The following KAZN variants were observed in gnomAD, a reference collection of about 807,000 sequenced individuals.
KAZN encodes kazrin, periplakin interacting protein.
A neutral mutation model predicts 87.4 loss-of-function variants in KAZN; 40 were observed. That is an observed-to-expected ratio of 0.46 (90% CI 0.36 to 0.60). The LOEUF is 0.60. Among genes scored for constraint, KAZN ranks in the 20% least tolerant of loss-of-function variants. The probability of loss-of-function intolerance (pLI) is 0.00; values close to 1 mark genes in which losing one functional copy is unlikely to be tolerated. For missense variants in KAZN, 898 were observed against 1,073.9 expected, an observed-to-expected ratio of 0.84 and a Z score of 2.29; for synonymous variants, 466 against 458.3, an observed-to-expected ratio of 1.02 and a Z score of -0.22.
chr1:14,236,160 G>A (rs1230056800), intron 2 of KAZN, among the ~76,000 whole-genome samples: 4 of 152,184 alleles, frequency 2.6e-5, no homozygotes, highest in African/African-American at 9.7e-5. Flanking sequence ...CTATACAGAT[G>A]ATAATTTTCC....
chr1:14,459,176 CT>C (rs1667722092), intron 2 of KAZN, among the ~76,000 whole-genome samples: 2 of 152,186 alleles, frequency 1.3e-5, no homozygotes, highest in South Asian at 4.1e-4. Flanking sequence ...TCTTCATATA[CT>C]TTGCCATTTC....
intron 2 of KAZN, among the ~76,000 whole-genome samples, chr1:14,239,013 T>G (rs996945747): frequency 1.6e-4 from 25 of 152,236 alleles, no homozygotes; most frequent in Non-Finnish European, 3.1e-4. Context: ...ATGAAAACTT[T>G]GGCTATAATA....
intron 2 of KAZN, among the ~76,000 whole-genome samples, chr1:14,569,512 C>A (rs896609210): frequency 1.3e-4 from 20 of 151,484 alleles, no homozygotes; most frequent in African/African-American, 4.9e-4. Flanking sequence ...TTAGTAGAGA[C>A]GGGGTTTCAC....
intron 2 of KAZN, among the ~76,000 whole-genome samples, chr1:14,985,866 G>A (rs1388241153): frequency 6.6e-6 from 1 of 151,992 alleles, no homozygotes; most frequent in Non-Finnish European, 1.5e-5. Flanking sequence ...AGCTGGGCGT[G>A]GTGGCACATG....
At chr1:14,793,353 G>A (rs1229522704) in intron 1 of KAZN, among the ~76,000 whole-genome samples, 6 of 151,932 alleles carry the variant, frequency 3.9e-5, no homozygotes, top group African/African-American at 1.2e-4. Flanking sequence ...CCACATGCAC[G>A]GCACGTCCTT....
At chr1:13,983,403 C>T (rs975474529) in intron 1 of KAZN, among the ~76,000 whole-genome samples, 15 of 152,234 alleles carry the variant, frequency 9.9e-5, no homozygotes, top group South Asian at 2.1e-4. Flanking sequence ...GCCATTGGCC[C>T]GGGTGCTAAG....
At position 14,833,990 on chromosome 1, in the gene KAZN, CACACACACACACACACACAT is replaced by C. The variant is rs1471727506; in HGVS notation, c.227-126684_227-126665del. The stretch of plus-strand genomic sequence containing the variant: ...TCATTCACACACACACACACACACA[CACACACACACACACACACAT>C]ACACACACATACATACATATATATT... On this transcript the variant is annotated intron_variant, in intron 1 of 14. Coordinates refer to ENST00000376030, the MANE Select transcript of KAZN (RefSeq NM_201628.3). 2.2e-4 allele frequency among the ~76,000 whole-genome samples: 33 copies of C among 150,650 alleles called. 1 individual carries two copies. Among genetic ancestry groups the C allele is most frequent in the African/African-American group, 4.6e-4 (19 of 41,350 alleles).
intron 1 of KAZN, among the ~76,000 whole-genome samples, chr1:13,931,972 G>T (rs1017992859): frequency 6.6e-6 from 1 of 150,958 alleles, no homozygotes; most frequent in African/African-American, 2.4e-5. Flanking sequence ...CTCCCAAGTA[G>T]CTGGAACTAC....
chr1:14,394,033 G>A (rs1353261852), intron 2 of KAZN, among the ~76,000 whole-genome samples: 1 of 152,128 alleles, frequency 6.6e-6, no homozygotes, highest in Non-Finnish European at 1.5e-5. Context: ...TTTATCTTTT[G>A]CTGTGCAGCT....
intron 1 of KAZN, among the ~76,000 whole-genome samples, chr1:14,123,630 A>C (rs1334961995): frequency 6.6e-6 from 1 of 152,228 alleles, no homozygotes; most frequent in Non-Finnish European, 1.5e-5. Flanking sequence ...ATTCCAATAG[A>C]GTCAACCATT....
chr1:15,065,027 C>CTTTTTTTTTTTTTTTT (rs780410306), intron 7 of KAZN, among the ~76,000 whole-genome samples: 1 of 102,740 alleles, frequency 9.7e-6, no homozygotes, highest in Non-Finnish European at 1.8e-5. Flanking sequence ...CTTTTTCTTT[C>CTTTTTTTTTTTTTTTT]TTTTTTTTTT....
At chr1:14,306,696 T>A (rs1348425160) in intron 2 of KAZN, among the ~76,000 whole-genome samples, 1 of 152,140 alleles carries the variant, frequency 6.6e-6, no homozygotes, top group Non-Finnish European at 1.5e-5. Flanking sequence ...GTGTTCAGAA[T>A]AATGAGCAGC....
Position 14,730,097 on chromosome 1 carries a change from T to A in KAZN, c.226+130874T>A, listed in dbSNP as rs934917170. On this transcript the variant is annotated intron_variant, in intron 1 of 14. Transcript: ENST00000376030. Reference sequence around the variant, plus strand: ...CCCTCTCATAAAGTATCCTTTTTTTTAAATGTGACAGAGTCTAGCTCTGTT... The same window carrying A: ...CCCTCTCATAAAGTATCCTTTTTTTAAAATGTGACAGAGTCTAGCTCTGTT... 1.3e-4 allele frequency among the ~76,000 whole-genome samples: 20 copies of A among 152,146 alleles called. No individual in the cohort carries two copies. In the South Asian group the frequency reaches 1.9e-3, roughly 14 times the overall value.
chr1:14,529,095 G>C (rs928460349), intron 2 of KAZN, among the ~76,000 whole-genome samples: 2 of 152,158 alleles, frequency 1.3e-5, no homozygotes, highest in African/African-American at 2.4e-5. Context: ...CCTGAGGTCA[G>C]GAGTTCGAGA....
chr1:14,561,720 A>T (rs1324638136), intron 2 of KAZN, among the ~76,000 whole-genome samples: 1 of 152,098 alleles, frequency 6.6e-6, no homozygotes, highest in Non-Finnish European at 1.5e-5. Flanking sequence ...CCTGGCCAAT[A>T]TGATGAAACC....
At chr1:14,484,569 A>G (rs531461929) in intron 2 of KAZN, among the ~76,000 whole-genome samples, 12 of 152,370 alleles carry the variant, frequency 7.9e-5, no homozygotes, top group Non-Finnish European at 1.3e-4. Context: ...TATTGTCCCA[A>G]TAGTGCTGCA....
At chr1:14,066,845 A>G (rs1425606764) in intron 1 of KAZN, among the ~76,000 whole-genome samples, 1 of 152,184 alleles carries the variant, frequency 6.6e-6, no homozygotes, top group Non-Finnish European at 1.5e-5. Flanking sequence ...ACAGTGGAGA[A>G]CCTGTATCCA....
At chr1:14,997,949 G>A (rs535147494) in intron 2 of KAZN, among the ~76,000 whole-genome samples, 2 of 152,316 alleles carry the variant, frequency 1.3e-5, no homozygotes, top group African/African-American at 4.8e-5. Context: ...TGTATGTGAG[G>A]AACTTGGGAC....
chr1:14,296,549 T>G (rs1373366596), intron 2 of KAZN, among the ~76,000 whole-genome samples: 1 of 151,774 alleles, frequency 6.6e-6, no homozygotes, highest in East Asian at 1.9e-4. Flanking sequence ...TTCATGACCA[T>G]GGGCTGTGAG....
Sources: allele counts gnomAD v4.1 joint callset (sites outside exome capture counted in the v4.1 genomes callset), GRCh38; gene constraint gnomAD v4.1.1; transcripts MANE v1.5; gene names NCBI Gene and HGNC (gene_info 2026-07-23, HGNC 2026-07-21).